The following UBE2J1 variants were observed in gnomAD, a reference collection of about 807,000 sequenced individuals.
The protein encoded by UBE2J1 is ubiquitin conjugating enzyme E2 J1.
UBE2J1 carries 17 observed loss-of-function variants against 42.1 expected under a neutral mutation model. The observed-to-expected ratio is 0.40, with a 90% CI of 0.28 to 0.61. The LOEUF is 0.61. Ranked by LOEUF, UBE2J1 falls within the 20% of genes least tolerant of loss-of-function variation. UBE2J1 has a pLI of 0.38. For synonymous variants in UBE2J1, 127 were observed against 137.2 expected (o/e 0.93, Z 0.52); for missense variants, 291 against 389.4 (o/e 0.75, Z 2.13).
intron 6 of UBE2J1, among the ~76,000 whole-genome samples, chr6:89,333,876 A>T (rs1768058851): frequency 1.3e-5 from 2 of 152,236 alleles, no homozygotes; most frequent in Admixed American, 1.3e-4. Flanking sequence ...CAGTCCATAG[A>T]GAAGTGGAGA....
intron 6 of UBE2J1, among the ~76,000 whole-genome samples, chr6:89,334,891 C>G (rs1303750536): frequency 6.6e-6 from 1 of 152,030 alleles, no homozygotes; most frequent in Non-Finnish European, 1.5e-5. Flanking sequence ...CACAGCAATC[C>G]TATGATTTAG....
intron 7 of UBE2J1, among the ~76,000 whole-genome samples, chr6:89,330,680 T>C (rs1471834240): frequency 2.0e-5 from 3 of 151,942 alleles, no homozygotes; most frequent in African/African-American, 7.3e-5. Context: ...CCTGTGGTCC[T>C]AGCTACTTGG....
At chr6:89,343,199 G>A (rs2127870194) in intron 2 of UBE2J1, among the ~76,000 whole-genome samples, 1 of 152,244 alleles carries the variant, frequency 6.6e-6, no homozygotes, top group South Asian at 2.1e-4. Flanking sequence ...CACTTTGGGA[G>A]GCCAAGGCGG....
chr6:89,330,952 C>A (rs1365248384), intron 7 of UBE2J1, among the ~76,000 whole-genome samples: 1 of 152,148 alleles, frequency 6.6e-6, no homozygotes, highest in African/African-American at 2.4e-5. Flanking sequence ...AGGAGAAAAT[C>A]TGACAGACTG....
At chr6:89,332,578 G>A (rs1768029810) in intron 7 of UBE2J1, among the ~76,000 whole-genome samples, 1 of 152,190 alleles carries the variant, frequency 6.6e-6, no homozygotes, top group Non-Finnish European at 1.5e-5. Flanking sequence ...CACTTGAAAT[G>A]TGGTGTGACT....
At chr6:89,345,119 T>G in intron 1 of UBE2J1, among the ~76,000 whole-genome samples, 1 of 151,362 alleles carries the variant, frequency 6.6e-6, no homozygotes, top group African/African-American at 2.4e-5. Flanking sequence ...AGAAAAGGAG[T>G]CAGGTACTGA....
At chr6:89,349,383 TG>T (rs949899960) in intron 1 of UBE2J1, among the ~76,000 whole-genome samples, 32 of 152,160 alleles carry the variant, frequency 2.1e-4, no homozygotes, top group African/African-American at 7.2e-4. Context: ...TTTTTCAATT[TG>T]GGGGTAATCA....
At chr6:89,346,335 A>C (rs1395532437) in intron 1 of UBE2J1, among the ~76,000 whole-genome samples, 1 of 152,168 alleles carries the variant, frequency 6.6e-6, no homozygotes, top group East Asian at 1.9e-4. Flanking sequence ...ATGCGTAAAC[A>C]AAATATGGCT....
chr6:89,341,003 C>T (rs1768237418), intron 3 of UBE2J1, among the ~76,000 whole-genome samples: 1 of 151,734 alleles, frequency 6.6e-6, no homozygotes. Flanking sequence ...TCTCGATCTC[C>T]TGACCTCATG....
Position 89,338,186 on chromosome 6 carries a change from A to G in UBE2J1, c.428+19T>C, listed in dbSNP as rs1243208466. On this transcript the variant is annotated intron_variant, in intron 5 of 7. Transcript: ENST00000435041. ...TGAATACTATTCAGACCTCAAGAAG[A>G]ATGAAATGCAAAACTTACTTTTTGG... 2 of 1,579,596 alleles carry G rather than the reference A, an allele frequency of 1.3e-6. No homozygotes were observed. The highest frequency in any genetic ancestry group is 4.5e-5 in the East Asian group (2 of 44,620).
chr6:89,351,294 C>A (rs1768475356), intron 1 of UBE2J1, among the ~76,000 whole-genome samples: 1 of 151,812 alleles, frequency 6.6e-6, no homozygotes, highest in Non-Finnish European at 1.5e-5. Context: ...GTTGGCCAGG[C>A]TGCTCTCCAC....
intron 1 of UBE2J1, among the ~76,000 whole-genome samples, chr6:89,346,086 C>T (rs1294814797): frequency 6.6e-6 from 1 of 151,876 alleles, no homozygotes; most frequent in Non-Finnish European, 1.5e-5. Context: ...AGCTGGGGTC[C>T]CCCTGTCTTG....
At chr6:89,343,207 C>T (rs536309887) in intron 2 of UBE2J1, among the ~76,000 whole-genome samples, 11 of 152,180 alleles carry the variant, frequency 7.2e-5, no homozygotes, top group Non-Finnish European at 1.5e-4. Context: ...GAGGCCAAGG[C>T]GGGTGGATCA....
At chr6:89,352,417 T>A (rs1189272502) in intron 1 of UBE2J1, 122 bp downstream of exon 1, 2 of 1,148,516 alleles carry the variant, frequency 1.7e-6, no homozygotes, top group African/African-American at 3.2e-5. Context: ...CGGTCTCGCG[T>A]AGAGCGCGAA....
At chr6:89,338,653 GTTT>G (rs1410376797) in intron 3 of UBE2J1, 110 bp from the exon 4 acceptor site, 2 of 120,568 alleles carry the variant, frequency 1.7e-5, no homozygotes, top group Non-Finnish European at 3.1e-5. Context: ...ATCTTAAAAA[GTTT>G]GTTTTTTTTT....
At chr6:89,334,154 C>T (rs59813706) in intron 6 of UBE2J1, among the ~76,000 whole-genome samples, 11,939 of 151,880 alleles carry the variant, frequency 0.079, 564 homozygotes, top group East Asian at 0.22. Context: ...CAGGCACACA[C>T]CACCATGCCG....
Position 89,342,396 on chromosome 6 carries a change from T to C in UBE2J1, c.165A>G (p.Gly55=). Reference sequence around the variant, plus strand: ...GTACTATCCGCCCGTGATAAACTCCTCCATCAAAATCGGAGTCTGGGGGCC... The same window carrying C: ...GTACTATCCGCCCGTGATAAACTCCCCCATCAAAATCGGAGTCTGGGGGCC... The part of the protein sequence containing the change: ...VRGPPDSDFD[G]GVYHGRIVLP... The change falls in exon 3 of 8, where the codon GGA becomes GGG. Residue 55 remains glycine, a synonymous_variant. Coordinates refer to ENST00000435041, the MANE Select transcript of UBE2J1 (RefSeq NM_016021.3). 1.2e-6 allele frequency: 2 copies of C among 1,613,470 alleles called. No homozygotes were observed. The highest frequency in any genetic ancestry group is 1.7e-6 in the Non-Finnish European group (2 of 1,179,804).
intron 1 of UBE2J1, among the ~76,000 whole-genome samples, chr6:89,345,178 A>C (rs1434086762): frequency 1.3e-5 from 2 of 152,244 alleles, no homozygotes; most frequent in African/African-American, 4.8e-5. Context: ...ATGAATAGGA[A>C]GAGGTAATAA....
At chr6:89,338,395 A>T in intron 4 of UBE2J1, 64 bp downstream of exon 4, 1 of 1,566,110 alleles carries the variant, frequency 6.4e-7, no homozygotes, top group Non-Finnish European at 8.8e-7. Context: ...TCAGAGTATT[A>T]TACTTCATAA....
Sources: gnomAD v4.1 joint callset for allele counts (sites outside exome capture counted in the v4.1 genomes callset) on GRCh38, gnomAD v4.1.1 for gene constraint, MANE v1.5 for transcripts, NCBI Gene and HGNC (gene_info 2026-07-23, HGNC 2026-07-21) for gene names.